VPS8: variants seen among roughly 807,000 people sequenced by gnomAD.
The protein encoded by VPS8 is VPS8 subunit of CORVET complex.
In VPS8, 129 loss-of-function variants were observed where a neutral mutation model predicts 216.4. The ratio of observed to expected loss-of-function variants is 0.60; its 90% CI spans 0.52 to 0.69. The LOEUF is 0.69. Ranked by LOEUF, VPS8 falls within the 30% of genes least tolerant of loss-of-function variation. VPS8 has a pLI of 0.00. For missense variants in VPS8, 1,531 were observed against 1,683.5 expected (o/e 0.91, Z 1.59); for synonymous variants, 571 against 565.4 (o/e 1.01, Z -0.14).
At chr3:184,908,421 C>G (rs759327332) in intron 25 of VPS8, among the ~76,000 whole-genome samples, 5 of 152,236 alleles carry the variant, frequency 3.3e-5, no homozygotes, top group Non-Finnish European at 7.3e-5. Flanking sequence ...CAAGTGCTGA[C>G]ACAGGAACAA....
chr3:184,908,452 T>G (rs1281052378), intron 25 of VPS8, among the ~76,000 whole-genome samples: 2 of 152,162 alleles, frequency 1.3e-5, no homozygotes, highest in Non-Finnish European at 2.9e-5. Context: ...AGGCCCGCGG[T>G]CTTGAGGGGA....
chr3:184,922,158 T>G (rs928039737), intron 29 of VPS8, among the ~76,000 whole-genome samples: 5 of 152,224 alleles, frequency 3.3e-5, no homozygotes, highest in African/African-American at 9.6e-5. Context: ...TGCCTTTTCC[T>G]TTCACTGACT....
At chr3:185,018,706 T>G (rs192303819) in intron 45 of VPS8, among the ~76,000 whole-genome samples, 1 of 152,334 alleles carries the variant, frequency 6.6e-6, no homozygotes, top group East Asian at 1.9e-4. Flanking sequence ...TTGTTTAAAT[T>G]CTTTGAGTAA....
intron 13 of VPS8, among the ~76,000 whole-genome samples, 190 bp downstream of exon 13, chr3:184,854,363 G>C (rs1357748185): frequency 2.0e-5 from 3 of 152,190 alleles, no homozygotes; most frequent in African/African-American, 7.2e-5. Flanking sequence ...GACCAGCACA[G>C]TGTCCTAGGG....
At position 184,850,021 on chromosome 3, in the gene VPS8, A is replaced by T; in HGVS notation, c.752A>T (p.Lys251Met). ...CCAGGAACAGCAATATTGCATATCAAGGTAAGAGCTTTATTTTCTTTTCCT... is the reference window on the plus strand; with the variant it reads ...CCAGGAACAGCAATATTGCATATCATGGTAAGAGCTTTATTTTCTTTTCCT... ...HPPGTAILHI[K>M]FTDDPTLAIC... is the part of the protein sequence containing the mutation. The change falls in exon 10 of 48, where the codon AAG becomes ATG. Residue 251 changes from lysine (K) to methionine (M), a missense_variant and splice_region_variant. Lys to Met is a moderately conservative substitution (Grantham distance 95, BLOSUM62 -1). This residue lies in a region of VPS8 where 1,318 missense variants were observed against 1,468.4 expected (regional missense o/e 0.90). Transcript: ENST00000625842. The T allele has an allele frequency of 6.3e-7, 1 of 1,598,840 alleles. No homozygotes were observed. Among genetic ancestry groups the T allele is most frequent in the South Asian group, 1.1e-5 (1 of 87,804 alleles).
In VPS8 at chr3:185,048,461, T is replaced by C. The variant is rs6779564; in HGVS notation, c.4057-18T>C. On this transcript the variant is annotated intron_variant, in intron 46 of 47. Transcript: ENST00000625842. Reference sequence around the variant, plus strand: ...TAGCCACGTGATGTTGTTAATCGTATCGGTTTTTATTTTTCAGGGAACCTC... The same window carrying C: ...TAGCCACGTGATGTTGTTAATCGTACCGGTTTTTATTTTTCAGGGAACCTC... 0.45 allele frequency: 721,089 copies of C among 1,612,248 alleles called. 164,112 individuals carry two copies. The highest frequency in any genetic ancestry group is 0.65 in the East Asian group (29,269 of 44,854).
At chr3:185,049,928 A>G (rs1452819342) in intron 47 of VPS8, among the ~76,000 whole-genome samples, 1 of 152,080 alleles carries the variant, frequency 6.6e-6, no homozygotes. Flanking sequence ...GATGCAGTCC[A>G]GCAGCTTTAT....
chr3:184,940,138 G>T, intron 35 of VPS8, 59 bp from the exon 36 acceptor site: 5 of 1,054,620 alleles, frequency 4.7e-6, no homozygotes, highest in South Asian at 3.4e-5. Flanking sequence ...CTTTACCATG[G>T]AATATTTGAA....
chr3:184,943,728 T>A (rs896240800), intron 36 of VPS8, among the ~76,000 whole-genome samples: 1 of 152,218 alleles, frequency 6.6e-6, no homozygotes, highest in Non-Finnish European at 1.5e-5. Flanking sequence ...TCAGTGTTGC[T>A]TTTTTTGCTC....
chr3:184,825,221 T>TA (rs1718493479), intron 2 of VPS8, among the ~76,000 whole-genome samples: 1 of 152,206 alleles, frequency 6.6e-6, no homozygotes, highest in Non-Finnish European at 1.5e-5. Flanking sequence ...TTACAGTTTA[T>TA]GAAACAATTT....
chr3:184,996,328 A>C lies in VPS8; in HGVS notation c.3667-4A>C. On this transcript the variant is annotated splice_polypyrimidine_tract_variant and splice_region_variant and intron_variant, in intron 43 of 47. Transcript: ENST00000625842. ...TGTTTGTTTTTTGTTTTGGTGTTTC[A>C]TAGACCCTGCTGGAAACAACAACCA... is the stretch of plus-strand genomic sequence containing the variant. 1 of 1,608,064 alleles carries C rather than the reference A, an allele frequency of 6.2e-7. No individual in the cohort carries two copies. The highest frequency in any genetic ancestry group is 8.5e-7 in the Non-Finnish European group (1 of 1,177,572).
intron 46 of VPS8, among the ~76,000 whole-genome samples, chr3:185,044,453 G>C (rs1213360924): frequency 6.6e-6 from 1 of 152,094 alleles, no homozygotes; most frequent in Non-Finnish European, 1.5e-5. Context: ...ACAGTGACTG[G>C]CACATGGTTA....
intron 1 of VPS8, among the ~76,000 whole-genome samples, chr3:184,820,648 T>A (rs568734214): frequency 3.3e-5 from 5 of 151,668 alleles, no homozygotes; most frequent in Admixed American, 2.6e-4. Context: ...TTAAAAAAAA[T>A]TTGAGCATGG....
At chr3:185,006,009 A>C (rs536265939) in intron 45 of VPS8, among the ~76,000 whole-genome samples, 3 of 152,218 alleles carry the variant, frequency 2.0e-5, no homozygotes. Flanking sequence ...GGATCTACAC[A>C]TCAGCAAAAG....
chr3:184,846,474 C>CTGAGA (rs1723150405), intron 8 of VPS8, among the ~76,000 whole-genome samples: 1 of 152,200 alleles, frequency 6.6e-6, no homozygotes, highest in Non-Finnish European at 1.5e-5. Context: ...TCTTTGTTAT[C>CTGAGA]ATATTCTCAG....
chr3:184,825,705 C>G (rs933943262), intron 2 of VPS8, among the ~76,000 whole-genome samples: 1 of 152,012 alleles, frequency 6.6e-6, no homozygotes, highest in Admixed American at 6.6e-5. Context: ...AGTCCAAGAC[C>G]AGCCTGGCCT....
At chr3:185,038,867 G>A (rs964430499) in intron 46 of VPS8, among the ~76,000 whole-genome samples, 1 of 152,142 alleles carries the variant, frequency 6.6e-6, no homozygotes, top group Non-Finnish European at 1.5e-5. Flanking sequence ...CCAGGGCAAG[G>A]GTGATCAGAG....
chr3:184,835,900 A>T (rs1287821467), intron 5 of VPS8, among the ~76,000 whole-genome samples: 2 of 151,710 alleles, frequency 1.3e-5, no homozygotes, highest in African/African-American at 4.8e-5. Context: ...TAGTAGAGAC[A>T]CGGTTTCAAC....
intron 38 of VPS8, among the ~76,000 whole-genome samples, chr3:184,965,082 A>G (rs1488457880): frequency 6.6e-6 from 1 of 152,166 alleles, no homozygotes; most frequent in East Asian, 1.9e-4. Flanking sequence ...GTTTCTCCGC[A>G]TTCTTGCTAA....
Sources: allele counts gnomAD v4.1 joint callset (sites outside exome capture counted in the v4.1 genomes callset), GRCh38; gene constraint gnomAD v4.1.1; regional missense constraint gnomAD v4.1.1; transcripts MANE v1.5; gene names NCBI Gene and HGNC (gene_info 2026-07-23, HGNC 2026-07-21).